Variants in LRRC37A2 observed in about 807,000 individuals in gnomAD.
LRRC37A2 encodes leucine rich repeat containing 37 member A2.
Under a neutral mutation model 68.8 loss-of-function variants are expected in LRRC37A2, and 9 were observed. That is an observed-to-expected ratio of 0.13 (90% CI 0.08 to 0.23). The LOEUF is 0.23. Ranked by LOEUF, LRRC37A2 falls within the 10% of genes least tolerant of loss-of-function variation. The pLI is 1.00. For missense variants in LRRC37A2, 168 were observed against 950.4 expected, an observed-to-expected ratio of 0.18 and a Z score of 10.82; for synonymous variants, 63 against 367.6, an observed-to-expected ratio of 0.17 and a Z score of 9.48.
chr17:46,944,279 G>T, the LRRC37A2 span, among the ~76,000 whole-genome samples: 1 of 152,258 alleles, frequency 6.6e-6, no homozygotes, highest in Non-Finnish European at 1.5e-5. Flanking sequence ...ACAGCGGCCG[G>T]AGGCTGTGGT....
At chr17:46,772,074 G>A in the LRRC37A2 span, among the ~76,000 whole-genome samples, 1 of 152,216 alleles carries the variant, frequency 6.6e-6, no homozygotes, top group South Asian at 2.1e-4. Flanking sequence ...CCGCCCACGC[G>A]GCGGTGGTGT....
the LRRC37A2 span, among the ~76,000 whole-genome samples, chr17:47,015,006 CTTT>C: frequency 9.4e-6 from 1 of 106,134 alleles, no homozygotes; most frequent in African/African-American, 3.5e-5. Flanking sequence ...CCATTTTTAT[CTTT>C]TTTTTTTTTT....
chr17:46,738,873 A>G, the LRRC37A2 span, among the ~76,000 whole-genome samples: 1 of 152,290 alleles, frequency 6.6e-6, no homozygotes, highest in African/African-American at 2.4e-5. Context: ...AGGCCAAGGC[A>G]GGAGGATCAC....
At chr17:46,932,538 G>A in the LRRC37A2 span, 1 of 532,162 alleles carries the variant, frequency 1.9e-6, no homozygotes, top group African/African-American at 1.9e-5. Context: ...TAGAACTTAG[G>A]CCATTTGTAG....
the LRRC37A2 span, among the ~76,000 whole-genome samples, chr17:46,802,240 G>T: frequency 2.0e-5 from 3 of 152,076 alleles, no homozygotes; most frequent in Non-Finnish European, 4.4e-5. Flanking sequence ...AAAGACCCAG[G>T]CAGGATTAAA....
At chr17:46,906,240 C>T in the LRRC37A2 span, among the ~76,000 whole-genome samples, 1 of 152,134 alleles carries the variant, frequency 6.6e-6, no homozygotes, top group Non-Finnish European at 1.5e-5. Flanking sequence ...TCAAGGCCTT[C>T]ACCCAGCCTC....
At chr17:47,000,048 TAAAATAAAATAAAATTAAAATAAAATAA>T in the LRRC37A2 span, among the ~76,000 whole-genome samples, 1 of 27,840 alleles carries the variant, frequency 3.6e-5, no homozygotes, top group Admixed American at 7.0e-4. Flanking sequence ...TAAAATAAAA[TAAAATAAAATAAAATTAAAATAAAATAA>T]AAAATAAAAT....
chr17:46,530,334 T>C (rs1163866637), intron 6 of LRRC37A2, among the ~76,000 whole-genome samples: 2 of 137,334 alleles, frequency 1.5e-5, no homozygotes, highest in African/African-American at 5.4e-5. Flanking sequence ...AAGCCCTAGT[T>C]TGAGAATCCA....
the LRRC37A2 span, among the ~76,000 whole-genome samples, chr17:47,014,166 C>T: frequency 8.6e-5 from 13 of 151,524 alleles, no homozygotes; most frequent in South Asian, 2.1e-4. Flanking sequence ...CCAAGGTGGG[C>T]GGATCATGAG....
At chr17:46,953,252 G>T in the LRRC37A2 span, among the ~76,000 whole-genome samples, 1 of 151,516 alleles carries the variant, frequency 6.6e-6, no homozygotes, top group African/African-American at 2.4e-5. Context: ...CTGTGTCCAT[G>T]TGTTCTCATT....
At chr17:46,494,470 A>G in the LRRC37A2 span, among the ~76,000 whole-genome samples, 1 of 149,216 alleles carries the variant, frequency 6.7e-6, no homozygotes, top group Non-Finnish European at 1.5e-5. Context: ...GTCATAGACA[A>G]TATGTAAATG....
chr17:46,745,990 G>A, the LRRC37A2 span, among the ~76,000 whole-genome samples: 11 of 152,008 alleles, frequency 7.2e-5, no homozygotes, highest in African/African-American at 2.4e-4. Context: ...CATTCCTTAC[G>A]ACTCAACTCA....
the LRRC37A2 span, among the ~76,000 whole-genome samples, chr17:46,812,013 C>T: frequency 1.1e-4 from 17 of 152,260 alleles, 3 homozygotes; most frequent in Admixed American, 7.8e-4. Flanking sequence ...TTAGCTATTC[C>T]GCTGCCCAGA....
At chr17:46,777,082 C>T in the LRRC37A2 span, among the ~76,000 whole-genome samples, 2 of 152,194 alleles carry the variant, frequency 1.3e-5, no homozygotes, top group African/African-American at 4.8e-5. Context: ...AGGTGGCTCA[C>T]GCCTGTAATC....
the LRRC37A2 span, among the ~76,000 whole-genome samples, chr17:46,880,124 G>T: frequency 6.6e-3 from 1,009 of 152,330 alleles, 12 homozygotes; most frequent in Non-Finnish European, 9.5e-3. Context: ...GAGTGAGGGA[G>T]TCTAATGGAC....
chr17:46,970,535 C>CAAAAAAAAAAAAAAAAAAAAAAAAAAAA, the LRRC37A2 span, among the ~76,000 whole-genome samples: 1 of 51,168 alleles, frequency 2.0e-5, no homozygotes, highest in Non-Finnish European at 3.8e-5. Flanking sequence ...GACTCCATCT[C>CAAAAAAAAAAAAAAAAAAAAAAAAAAAA]AAAAAAAAAA....
At chr17:46,907,448 T>C in the LRRC37A2 span, among the ~76,000 whole-genome samples, 128,808 of 149,446 alleles carry the variant, frequency 0.86, 56,806 homozygotes, top group East Asian at 0.96. Flanking sequence ...GGAAGGTCTG[T>C]TGGTCCTCTG....
chr17:46,724,032 A>G, the LRRC37A2 span, among the ~76,000 whole-genome samples: 411 of 152,254 alleles, frequency 2.7e-3, no homozygotes, highest in Admixed American at 5.9e-3. Flanking sequence ...CACTGCATTG[A>G]CACCAACACC....
the LRRC37A2 span, among the ~76,000 whole-genome samples, chr17:46,934,666 A>G: frequency 6.6e-6 from 1 of 152,388 alleles, no homozygotes; most frequent in South Asian, 2.1e-4. Context: ...GGAAAGGAAC[A>G]TTTGGAACCA....
Sources: gnomAD v4.1 joint callset for allele counts (sites outside exome capture counted in the v4.1 genomes callset) on GRCh38, gnomAD v4.1.1 for gene constraint, MANE v1.5 for transcripts, NCBI Gene and HGNC (gene_info 2026-07-23, HGNC 2026-07-21) for gene names.